The following CNTNAP2 variants were observed in gnomAD, a reference collection of about 807,000 sequenced individuals.
The protein encoded by CNTNAP2 is contactin-associated protein-like 2.
In CNTNAP2, 98 loss-of-function variants were observed where a neutral mutation model predicts 155.2. The observed-to-expected ratio is 0.63, with a 90% CI of 0.54 to 0.75. The LOEUF (loss-of-function observed/expected upper bound fraction) is 0.75, where lower values mean the gene tolerates loss of function less well. CNTNAP2 is among the 30% of genes least tolerant of loss of function. CNTNAP2 has a pLI of 0.00. For synonymous variants in CNTNAP2, 651 were observed against 631.2 expected (o/e 1.03, Z -0.47); for missense variants, 1,727 against 1,688.1 (o/e 1.02, Z -0.40).
At chr7:147,099,165 G>A (rs1177522253) in intron 4 of CNTNAP2, among the ~76,000 whole-genome samples, 3 of 152,094 alleles carry the variant, frequency 2.0e-5, no homozygotes, top group Non-Finnish European at 2.9e-5. Context: ...GGGCACAGAG[G>A]CTGATCCTAG....
At chr7:147,002,916 A>G (rs1212298284) in intron 3 of CNTNAP2, among the ~76,000 whole-genome samples, 1 of 145,768 alleles carries the variant, frequency 6.9e-6, no homozygotes, top group Non-Finnish European at 1.5e-5. Flanking sequence ...GGACACAAAC[A>G]TTCAGAACAT....
At chr7:148,285,207 AGTAAGAATTATTTTCCT>A (rs531337311) in intron 21 of CNTNAP2, among the ~76,000 whole-genome samples, 39 of 152,378 alleles carry the variant, frequency 2.6e-4, no homozygotes, top group African/African-American at 8.9e-4. Flanking sequence ...CTGTGGTCTA[AGTAAGAATTATTTTCCT>A]GCTTTTAAAT....
intron 1 of CNTNAP2, among the ~76,000 whole-genome samples, chr7:146,408,738 G>A (rs977587716): frequency 3.3e-5 from 5 of 151,900 alleles, no homozygotes; most frequent in South Asian, 2.1e-4. Context: ...AAACCTGCAC[G>A]TTGTGCACAT....
intron 15 of CNTNAP2, among the ~76,000 whole-genome samples, chr7:148,073,944 C>T (rs1335670645): frequency 1.3e-5 from 2 of 151,904 alleles, no homozygotes; most frequent in South Asian, 2.1e-4. Context: ...TGAATGTGCT[C>T]GGATTTTGGT....
chr7:146,411,837 TA>T (rs1422013055), intron 1 of CNTNAP2, among the ~76,000 whole-genome samples: 24 of 122,480 alleles, frequency 2.0e-4, no homozygotes, highest in Admixed American at 8.0e-4. Context: ...CTTATTTATT[TA>T]TTTATTTATT....
chr7:146,937,930 C>T (rs947511980), intron 3 of CNTNAP2, among the ~76,000 whole-genome samples: 18 of 152,108 alleles, frequency 1.2e-4, no homozygotes, highest in African/African-American at 4.1e-4. Context: ...CAACATCTTT[C>T]TGTACAAGGC....
chr7:148,123,699 AG>A (rs2116617688), intron 16 of CNTNAP2, among the ~76,000 whole-genome samples: 48 of 150,712 alleles, frequency 3.2e-4, no homozygotes, highest in African/African-American at 1.1e-3. Context: ...AGAAAGAGAA[AG>A]AGAGAAACAG....
intron 19 of CNTNAP2, among the ~76,000 whole-genome samples, chr7:148,223,299 C>G (rs1371922637): frequency 5.3e-5 from 8 of 152,140 alleles, no homozygotes. Flanking sequence ...ATTTAATGTA[C>G]TGTATTGTTA....
rs533252187 is a variant in CNTNAP2, at chr7:147,197,276, G to A, written c.1348+64767G>A. Among the ~76,000 whole-genome samples, 14 of 152,184 alleles carry A rather than the reference G, an allele frequency of 9.2e-5. No homozygotes were observed. The South Asian group carries it at 2.5e-3, about 27-fold the overall frequency. On this transcript the variant is annotated intron_variant, in intron 8 of 23. Coordinates refer to ENST00000361727, the MANE Select transcript of CNTNAP2 (RefSeq NM_014141.6). ...TAACCAATGGAAAAACCTCTAGGGG[G>A]TATTTAAACCCCAGTAAATTCTGTA... is the stretch of plus-strand genomic sequence containing the variant.
At chr7:146,731,923 T>C (rs1801532376) in intron 1 of CNTNAP2, among the ~76,000 whole-genome samples, 1 of 151,886 alleles carries the variant, frequency 6.6e-6, no homozygotes, top group Admixed American at 6.6e-5. Flanking sequence ...TAGTAAAAAT[T>C]ACATTTTTTG....
intron 8 of CNTNAP2, among the ~76,000 whole-genome samples, chr7:147,194,351 T>G (rs2116531782): frequency 6.6e-6 from 1 of 152,306 alleles, no homozygotes; most frequent in South Asian, 2.1e-4. Flanking sequence ...TTTGGGTTGG[T>G]TCCATGTCTT....
At chr7:147,954,100 A>T (rs1044838968) in intron 14 of CNTNAP2, among the ~76,000 whole-genome samples, 1 of 152,196 alleles carries the variant, frequency 6.6e-6, no homozygotes, top group Non-Finnish European at 1.5e-5. Flanking sequence ...GCAGGAAGAC[A>T]TGAAAGCAAA....
chr7:147,441,836 TCTCTCTCTCTCTCTCCCTCC>T (rs1797641715), intron 10 of CNTNAP2, among the ~76,000 whole-genome samples: 1 of 146,432 alleles, frequency 6.8e-6, no homozygotes, highest in Non-Finnish European at 1.5e-5. Context: ...TCTCTCTCTC[TCTCTCTCTCTCTCTCCCTCC>T]CTCCCTCCCT....
At chr7:147,248,807 G>C (rs181771347) in intron 8 of CNTNAP2, among the ~76,000 whole-genome samples, 11 of 152,338 alleles carry the variant, frequency 7.2e-5, no homozygotes, top group Non-Finnish European at 1.3e-4. Context: ...TGATGGGATA[G>C]AACTTTGCAT....
chr7:147,259,972 T>A (rs147496782), intron 8 of CNTNAP2, among the ~76,000 whole-genome samples: 3 of 152,226 alleles, frequency 2.0e-5, no homozygotes, highest in Admixed American at 2.0e-4. Context: ...CCACTATCCC[T>A]CCCTCCCCAC....
intron 1 of CNTNAP2, among the ~76,000 whole-genome samples, chr7:146,253,154 C>A (rs113114253): frequency 0.034 from 5,198 of 152,322 alleles, 127 homozygotes; most frequent in African/African-American, 0.065. Flanking sequence ...GCCTTCCCCT[C>A]TGTGATTGCT....
intron 3 of CNTNAP2, among the ~76,000 whole-genome samples, chr7:147,040,586 A>G (rs1452527995): frequency 6.7e-6 from 1 of 148,726 alleles, no homozygotes; most frequent in Non-Finnish European, 1.5e-5. Flanking sequence ...TCAGCCTTCC[A>G]AGTAGCTGGG....
At chr7:146,281,207 G>C (rs894851189) in intron 1 of CNTNAP2, among the ~76,000 whole-genome samples, 12 of 152,118 alleles carry the variant, frequency 7.9e-5, no homozygotes, top group African/African-American at 2.9e-4. Context: ...ACATTCCAAT[G>C]AACACAGTTT....
intron 1 of CNTNAP2, among the ~76,000 whole-genome samples, chr7:146,437,440 A>G (rs1442213306): frequency 6.6e-6 from 1 of 151,562 alleles, no homozygotes; most frequent in African/African-American, 2.4e-5. Context: ...TATATTTCAT[A>G]TTATCTAGTG....
Sources: gnomAD v4.1 joint callset for allele counts (sites outside exome capture counted in the v4.1 genomes callset) on GRCh38, gnomAD v4.1.1 for gene constraint, MANE v1.5 for transcripts, NCBI Gene and HGNC (gene_info 2026-07-23, HGNC 2026-07-21) for gene names.